Variants in PCDHGA3 observed in about 807,000 individuals in gnomAD.
PCDHGA3 encodes protocadherin gamma-A3.
Under a neutral mutation model 58.5 loss-of-function variants are expected in PCDHGA3, and 40 were observed. The ratio of observed to expected loss-of-function variants is 0.68; its 90% confidence interval spans 0.53 to 0.89. The LOEUF (loss-of-function observed/expected upper bound fraction) is 0.89. Ranked by LOEUF, PCDHGA3 falls within the 40% of genes least tolerant of loss-of-function variation. The pLI is 0.00. For synonymous variants in PCDHGA3, 530 were observed against 525.7 expected (o/e 1.01, Z -0.11); for missense variants, 1,223 against 1,195.9 (o/e 1.02, Z -0.33).
intron 1 of PCDHGA3, chr5:141,371,948 A>C (rs200505160): frequency 1.9e-6 from 3 of 1,613,136 alleles, no homozygotes; most frequent in Admixed American, 1.7e-5. Context: ...TCGCGCAGCG[A>C]GCCTTCGACC....
At chr5:141,423,772 A>G (rs767998260) in intron 1 of PCDHGA3, 39 of 1,219,850 alleles carry the variant, frequency 3.2e-5, no homozygotes, top group East Asian at 1.6e-4. Context: ...GGGGCGGCAT[A>G]TATTTAGTTC....
chr5:141,389,374 G>C (rs192606668), intron 1 of PCDHGA3: 6 of 1,613,666 alleles, frequency 3.7e-6, no homozygotes, highest in Admixed American at 1.7e-5. Flanking sequence ...CTGGAGCAGC[G>C]GGAGCTGTCA....
At chr5:141,357,037 G>A (rs750879556) in intron 1 of PCDHGA3, 42 of 1,613,924 alleles carry the variant, frequency 2.6e-5, no homozygotes, top group Non-Finnish European at 3.2e-5. Context: ...CAAGTCCAGC[G>A]AGCCGGGACT....
At chr5:141,404,147 G>C in intron 1 of PCDHGA3, 1 of 1,612,990 alleles carries the variant, frequency 6.2e-7, no homozygotes, top group African/African-American at 1.3e-5. Context: ...AAATTCAGAA[G>C]AAGATTATTA....
At position 141,485,656 on chromosome 5, in the gene PCDHGA3, T is replaced by C. The variant is rs147216126; in HGVS notation, c.2425-9151T>C. On this transcript the variant is annotated intron_variant, in intron 1 of 3. Coordinates refer to ENST00000253812, the MANE Select transcript of PCDHGA3 (RefSeq NM_018916.4). This position sits in a 1 kb window ranked among gnomAD's most constrained non-coding sequence, Gnocchi z 5.7. ...CGTTGGAAAAGGCTCAGGATGCAGA[T>C]GTGGGGAGCAATTCGATTAGCAGCT... 23 of 1,612,648 alleles carry C rather than the reference T, an allele frequency of 1.4e-5. No homozygotes were observed. The African/African-American group carries it at 2.8e-4, about 20-fold the overall frequency.
rs1410419839 is a variant in PCDHGA3 at position 141,429,391 on chromosome 5, A to ATTTT, written c.2425-65416_2425-65415insTTTT. Among the ~76,000 whole-genome samples, 380 of 151,312 alleles carry ATTTT rather than the reference A, an allele frequency of 2.5e-3. 1 individual carries two copies. The highest frequency in any genetic ancestry group is 4.2e-3 in the South Asian group (20 of 4,768). On this transcript the variant is annotated intron_variant, in intron 1 of 3. Coordinates refer to ENST00000253812, the MANE Select transcript of PCDHGA3 (RefSeq NM_018916.4). The stretch of plus-strand genomic sequence containing the variant: ...GGAGAAAATGTGTTTTTTTTTTAAA[A>ATTTT]AAAATTGAGATTAAGGTCTCATTAT...
At chr5:141,399,254 G>A (rs2093775351) in intron 1 of PCDHGA3, 1 of 1,613,806 alleles carries the variant, frequency 6.2e-7, no homozygotes, top group East Asian at 2.2e-5. Context: ...GGGGAAAATG[G>A]GGAGGTTAAT....
intron 1 of PCDHGA3, chr5:141,421,959 A>G (rs2096614103): frequency 1.9e-6 from 3 of 1,612,798 alleles, no homozygotes; most frequent in East Asian, 2.2e-5. Flanking sequence ...CAATGTTTAC[A>G]CAGTCCGTAT....
intron 1 of PCDHGA3, among the ~76,000 whole-genome samples, chr5:141,363,489 G>T (rs527713063): frequency 1.3e-5 from 2 of 152,304 alleles, no homozygotes; most frequent in Non-Finnish European, 1.5e-5. Flanking sequence ...CATGGATGAT[G>T]AAATAAAACC....
At chr5:141,451,925 G>A (rs1391178313) in intron 1 of PCDHGA3, among the ~76,000 whole-genome samples, 2 of 152,012 alleles carry the variant, frequency 1.3e-5, no homozygotes, top group East Asian at 3.8e-4. Context: ...AGGAAGGGAG[G>A]TAGGGAGGCA....
chr5:141,345,012 C>G lies in PCDHGA3; in HGVS notation c.979C>G (p.Leu327Val), dbSNP rs1161806244. Residue 327 changes from leucine to valine, a missense_variant, in exon 1 of 4, where the codon CTT becomes GTT. By Grantham distance (32) the Leu-to-Val change is conservative. Around this residue, in one of 3 missense-constraint regions of PCDHGA3, gnomAD observed 791 missense variants for 708.5 expected, o/e 1.12. Coordinates refer to ENST00000253812, the MANE Select transcript of PCDHGA3 (RefSeq NM_018916.4). ...AATTGAAGCACAGGATGGACCAGGT[C>G]TTCTTTCAAGAGCCAAGATTCTAGT... ...IKIEAQDGPGLLSRAKILVTV... is the reference protein window; with the variant it reads ...IKIEAQDGPGVLSRAKILVTV... The G allele has an allele frequency of 1.9e-6, 3 of 1,613,844 alleles. No individual in the cohort carries two copies. Among genetic ancestry groups the G allele is most frequent in the Middle Eastern group, 1.6e-4 (1 of 6,084 alleles).
In PCDHGA3 at chr5:141,398,855, A is replaced by G. The variant is rs1376506270; in HGVS notation, c.2424+52398A>G. ...GCCAATGATAATCCCCCGGTATTCA[A>G]CCGAGACGTGTACAGAGTCAGCCTT... On this transcript the variant is annotated intron_variant, in intron 1 of 3. Coordinates refer to ENST00000253812, the MANE Select transcript of PCDHGA3 (RefSeq NM_018916.4). 2.5e-6 allele frequency: 4 copies of G among 1,613,852 alleles called. No individual in the cohort carries two copies. The African/African-American group carries it at 5.3e-5, about 22-fold the overall frequency.
At chr5:141,488,236 T>G (rs1333427955) in intron 1 of PCDHGA3, among the ~76,000 whole-genome samples, 2 of 152,154 alleles carry the variant, frequency 1.3e-5, no homozygotes, top group Non-Finnish European at 2.9e-5. Context: ...TTGAACTAGA[T>G]GCGGTAAATT....
At chr5:141,366,588 A>G (rs1222422488) in intron 1 of PCDHGA3, 1 of 1,614,114 alleles carries the variant, frequency 6.2e-7, no homozygotes, top group African/African-American at 1.3e-5. Context: ...CTGCAGACCT[A>G]TTCCCACGAG....
chr5:141,393,376 G>C (rs749009041), intron 1 of PCDHGA3: 2 of 1,613,842 alleles, frequency 1.2e-6, no homozygotes, highest in African/African-American at 2.7e-5. Flanking sequence ...GGAGACAATG[G>C]AGCCATAAAC....
At position 141,427,408 on chromosome 5, in the gene PCDHGA3, G is replaced by C. The variant is rs975709597; in HGVS notation, c.2425-67399G>C. ...TTCAAAACACATGATAAAGATTCGA[G>C]AGAAAATGGGGAGGTTACATGCCTC... On this transcript the variant is annotated intron_variant, in intron 1 of 3. Coordinates refer to ENST00000253812, the MANE Select transcript of PCDHGA3 (RefSeq NM_018916.4). The C allele has an allele frequency of 1.3e-5, 6 of 463,300 alleles. No homozygotes were observed. In the Admixed American group the frequency reaches 1.4e-4, roughly 11 times the overall value. The allele number at this position is 463,300 out of a possible 1,614,324, so 28.7% of individuals were successfully genotyped here. A position where few individuals can be genotyped will look rare whatever the true frequency, so the allele number is the denominator to read the frequency against.
At chr5:141,372,739 G>A (rs778027776) in intron 1 of PCDHGA3, 1 of 1,613,668 alleles carries the variant, frequency 6.2e-7, no homozygotes, top group Non-Finnish European at 8.5e-7. Context: ...GATCTTCTAT[G>A]TGATGAAGCC....
At chr5:141,350,585 A>C (rs759358608) in intron 1 of PCDHGA3, 3 of 1,614,056 alleles carry the variant, frequency 1.9e-6, no homozygotes, top group Non-Finnish European at 2.5e-6. Context: ...GGTCGCTGAA[A>C]ACCCAATGAA....
chr5:141,415,657 G>A, intron 1 of PCDHGA3: 1 of 1,576,236 alleles, frequency 6.3e-7, no homozygotes, highest in Non-Finnish European at 8.6e-7. Flanking sequence ...AAAAAAGATT[G>A]GTTTTTACTT....
Sources: gnomAD v4.1 joint callset for allele counts (sites outside exome capture counted in the v4.1 genomes callset) on GRCh38, gnomAD v4.1.1 for gene constraint, gnomAD v4.1.1 regional missense constraint, Gnocchi (gnomAD v3.1) non-coding constraint, MANE v1.5 for transcripts, NCBI Gene and HGNC (gene_info 2026-07-23, HGNC 2026-07-21) for gene names.